The following RASGEF1B variants were observed in gnomAD, a reference collection of about 807,000 sequenced individuals.
RASGEF1B encodes RasGEF domain family member 1B, also known as ras-GEF domain-containing family member 1B.
RASGEF1B carries 30 observed loss-of-function variants against 65.7 expected under a neutral mutation model. The observed-to-expected ratio is 0.46, with a 90% CI of 0.34 to 0.62. The LOEUF (loss-of-function observed/expected upper bound fraction) is 0.62, where lower values mean the gene tolerates loss of function less well. Among genes scored for constraint, RASGEF1B ranks in the 20% least tolerant of loss-of-function variants. RASGEF1B has a pLI of 0.01. For missense variants in RASGEF1B, 495 were observed against 580.1 expected, an observed-to-expected ratio of 0.85 and a Z score of 1.51; for synonymous variants, 175 against 194.8, an observed-to-expected ratio of 0.90 and a Z score of 0.85.
At chr4:81,464,386 C>T (rs536357868) in intron 1 of RASGEF1B, among the ~76,000 whole-genome samples, 2 of 152,186 alleles carry the variant, frequency 1.3e-5, no homozygotes, top group South Asian at 2.1e-4. Context: ...TAGCTAATTC[C>T]TTCAGAAAAA....
intron 1 of RASGEF1B, among the ~76,000 whole-genome samples, chr4:81,465,544 C>A (rs1316647401): frequency 6.6e-6 from 1 of 152,216 alleles, no homozygotes; most frequent in African/African-American, 2.4e-5. Context: ...TGAAAAAGTT[C>A]AGCCTGACAT....
chr4:81,448,227 C>G lies in RASGEF1B; in HGVS notation c.496G>C (p.Ala166Pro). 1 of 1,613,678 alleles carries G rather than the reference C, an allele frequency of 6.2e-7. No homozygotes were observed. The highest frequency in any genetic ancestry group is 8.5e-7 in the Non-Finnish European group (1 of 1,180,032). ...MMQCLIRKLA[A>P]LSQYEEVLAK... is the part of the protein sequence containing the mutation. The stretch of plus-strand genomic sequence containing the variant: ...AGGACTTCTTCGTACTGGCTGAGCG[C>G]AGCAAGCTTGCGGATCAGACACTGC... The change falls in exon 5 of 14, where the codon GCG (alanine) becomes CCG (proline). Residue 166 changes from alanine to proline, a missense_variant. Transcript: ENST00000264400.
At chr4:81,454,257 AC>A (rs1370295646) in intron 4 of RASGEF1B, 1 of 152,198 alleles carries the variant, frequency 6.6e-6, no homozygotes, top group African/African-American at 2.4e-5. Context: ...CTCCCCTTTG[AC>A]TGCCGCAACA....
At chr4:81,456,853 T>C in intron 3 of RASGEF1B, 65 bp from the exon 4 acceptor site, 3 of 1,384,720 alleles carry the variant, frequency 2.2e-6, no homozygotes, top group Middle Eastern at 2.5e-4. Context: ...AAATCAATAG[T>C]TACAAAGAGC....
chr4:81,438,146 T>C (rs914444210), intron 10 of RASGEF1B, among the ~76,000 whole-genome samples: 2 of 152,142 alleles, frequency 1.3e-5, no homozygotes, highest in Admixed American at 6.5e-5. Flanking sequence ...GCAAGAGGAT[T>C]TAAAGCCATG....
At chr4:81,450,872 A>C (rs1166004115) in intron 4 of RASGEF1B, 2 of 152,226 alleles carry the variant, frequency 1.3e-5, no homozygotes, top group Non-Finnish European at 2.9e-5. Flanking sequence ...CAAAAAACAA[A>C]GCAAACAAAC....
In RASGEF1B at chr4:81,459,489, A is replaced by G. The variant is rs770895319; in HGVS notation, c.20T>C (p.Phe7Ser). Residue 7 changes from phenylalanine to serine, a missense_variant, in exon 2 of 14, where the codon TTT becomes TCT. Transcript: ENST00000264400. MPQTPP[F>S]SAMFDSSGYN... ...ACCACTGCTGTCAAACATTGCTGAA[A>G]AGGGAGGAGTCTGAGGCATACTTTC... is the stretch of plus-strand genomic sequence containing the variant. The G allele has an allele frequency of 1.9e-6, 3 of 1,602,830 alleles. No homozygotes were observed. The highest frequency in any genetic ancestry group is 2.6e-6 in the Non-Finnish European group (3 of 1,176,454).
intron 8 of RASGEF1B, among the ~76,000 whole-genome samples, chr4:81,443,657 AATTT>A (rs2109976744): frequency 6.6e-6 from 1 of 152,332 alleles, no homozygotes; most frequent in African/African-American, 2.4e-5. Flanking sequence ...AACATGCCAC[AATTT>A]ATTTAGCCAT....
intron 4 of RASGEF1B, among the ~76,000 whole-genome samples, chr4:81,450,633 G>A (rs962546430): frequency 1.5e-4 from 23 of 152,198 alleles, no homozygotes; most frequent in African/African-American, 5.5e-4. Context: ...TCGAACTCCT[G>A]ACCTCAAGTG....
chr4:81,428,310 C>T (rs943428198), intron 13 of RASGEF1B, among the ~76,000 whole-genome samples: 1 of 152,074 alleles, frequency 6.6e-6, no homozygotes, highest in Non-Finnish European at 1.5e-5. Context: ...TTACTGCCTT[C>T]AAAGCTAATG....
At chr4:81,448,005 T>C (rs569326695) in intron 5 of RASGEF1B, 64 bp downstream of exon 5, 7 of 1,346,666 alleles carry the variant, frequency 5.2e-6, no homozygotes, top group South Asian at 3.5e-5. Context: ...GACAAATATA[T>C]CGTCTGGTTG....
At chr4:81,437,770 C>T (rs55731068) in intron 10 of RASGEF1B, among the ~76,000 whole-genome samples, 29,148 of 152,128 alleles carry the variant, frequency 0.19, 2,880 homozygotes, top group South Asian at 0.3. Flanking sequence ...CTTATGCCTG[C>T]ATGCAAGAAA....
chr4:81,430,929 A>G (rs540629368), intron 13 of RASGEF1B, among the ~76,000 whole-genome samples: 7 of 152,228 alleles, frequency 4.6e-5, no homozygotes, highest in Admixed American at 6.5e-5. Flanking sequence ...CAATCTGCTT[A>G]CCAATTTTTA....
intron 10 of RASGEF1B, among the ~76,000 whole-genome samples, chr4:81,438,728 C>G (rs1378031145): frequency 1.3e-5 from 2 of 151,994 alleles, no homozygotes; most frequent in African/African-American, 2.4e-5. Flanking sequence ...CCTTGCCCCC[C>G]CAGCCCCCTA....
intron 4 of RASGEF1B, chr4:81,456,291 T>A: frequency 1.7e-6 from 1 of 576,488 alleles, no homozygotes; most frequent in South Asian, 2.3e-5. Context: ...TATCCACTAG[T>A]GTTTATGTCT....
intron 3 of RASGEF1B, 106 bp downstream of exon 3, chr4:81,457,393 G>T: frequency 9.8e-7 from 1 of 1,025,188 alleles, no homozygotes; most frequent in Non-Finnish European, 1.5e-6. Flanking sequence ...TGCCATTTAT[G>T]CACTTCAGCC....
At chr4:81,429,645 G>A (rs1721348738) in intron 13 of RASGEF1B, among the ~76,000 whole-genome samples, 1 of 152,238 alleles carries the variant, frequency 6.6e-6, no homozygotes, top group South Asian at 2.1e-4. Context: ...GCTGGACGTG[G>A]TGAGGAACAC....
chr4:81,456,732 T>G lies in RASGEF1B; in HGVS notation c.357A>C (p.Glu119Asp), dbSNP rs556957111. 1 of 1,613,994 alleles carries G rather than the reference T, an allele frequency of 6.2e-7. No homozygotes were observed. Among genetic ancestry groups the G allele is most frequent in the African/African-American group, 1.3e-5 (1 of 75,044 alleles). ...CATCCCGAAAATCATAGGGAAATGT[T>G]TCCGTCCATTCCGTGAGGAGTTGAA... is the stretch of plus-strand genomic sequence containing the variant. ...KILQLLTEWT[E>D]TFPYDFRDER... Residue 119 changes from glutamate (E) to aspartate (D), a missense_variant, in exon 4 of 14, where the codon GAA becomes GAC. Glu to Asp is a conservative substitution (Grantham distance 45). Coordinates refer to ENST00000264400, the MANE Select transcript of RASGEF1B (RefSeq NM_152545.3).
intron 1 of RASGEF1B, among the ~76,000 whole-genome samples, chr4:81,461,761 T>A (rs555357791): frequency 6.6e-6 from 1 of 152,256 alleles, no homozygotes; most frequent in South Asian, 2.1e-4. Context: ...CAGACAGTCA[T>A]GGAAGGAGCC....
Sources: gnomAD v4.1 joint callset for allele counts (sites outside exome capture counted in the v4.1 genomes callset) on GRCh38, gnomAD v4.1.1 for gene constraint, MANE v1.5 for transcripts, NCBI Gene and HGNC (gene_info 2026-07-23, HGNC 2026-07-21) for gene names.